RAB27B: variants seen among roughly 807,000 people sequenced by gnomAD.
RAB27B encodes ras-related protein Rab-27B.
In RAB27B, 15 loss-of-function variants were observed where a neutral mutation model predicts 24.6. The observed-to-expected ratio is 0.61, with a 90% CI of 0.41 to 0.94. The LOEUF (loss-of-function observed/expected upper bound fraction) is 0.94. Among genes scored for constraint, RAB27B ranks in the 40% least tolerant of loss-of-function variants. RAB27B has a pLI of 0.00. For missense variants in RAB27B, 261 were observed against 266.8 expected (o/e 0.98, Z 0.15); for synonymous variants, 105 against 92.5 (o/e 1.14, Z -0.78).
chr18:54,892,461 CACTT>C lies in RAB27B; in HGVS notation c.*3053_*3056del, dbSNP rs1309010563. On this transcript the variant is annotated 3_prime_UTR_variant, in exon 6 of 6. Transcript: ENST00000262094. ...TTTAACTGCCTTCTCTTGGTCTCCT[CACTT>C]ACTTCTTATGAAGTTGGCATTACCT... is the stretch of plus-strand genomic sequence containing the variant. 1 of 152,030 alleles carries C rather than the reference CACTT, an allele frequency of 6.6e-6. No homozygotes were observed. Among genetic ancestry groups the C allele is most frequent in the African/African-American group, 2.4e-5 (1 of 41,416 alleles). The allele number at this position is 152,030 out of a possible 1,614,324, so 9.4% of individuals were successfully genotyped here. A position where few individuals can be genotyped will look rare whatever the true frequency, so the allele number is the denominator to read the frequency against.
intron 2 of RAB27B, among the ~76,000 whole-genome samples, chr18:54,804,690 G>T (rs781041252): frequency 2.2e-4 from 34 of 152,132 alleles, no homozygotes; most frequent in Non-Finnish European, 4.3e-4. Context: ...TGTAATACAT[G>T]ATCCAGAACT....
chr18:54,846,051 T>C (rs1338906479), intron 1 of RAB27B, among the ~76,000 whole-genome samples: 1 of 152,220 alleles, frequency 6.6e-6, no homozygotes, highest in Non-Finnish European at 1.5e-5. Context: ...ATTTAATGTT[T>C]TTCACATTTT....
Position 54,834,084 on chromosome 18 carries a change from A to G in RAB27B, c.-20+5384A>G, listed in dbSNP as rs576153926. 2.4e-4 allele frequency among the ~76,000 whole-genome samples: 37 copies of G among 152,362 alleles called. No individual in the cohort carries two copies. The East Asian group carries it at 5.6e-3, about 23-fold the overall frequency. On this transcript the variant is annotated intron_variant, in intron 1 of 5. Coordinates refer to ENST00000262094, the MANE Select transcript of RAB27B (RefSeq NM_004163.4). ...AATACAAGAACACAATTTGTTTAAT[A>G]TTTGATAATGTGTTCTAGATTTTTT...
In RAB27B at chr18:54,886,608, C is replaced by A. The variant is rs570392972; in HGVS notation, c.344-1387C>A. Among the ~76,000 whole-genome samples the A allele has an allele frequency of 7.2e-5, 11 of 152,070 alleles. No homozygotes were observed. The South Asian group carries it at 1.3e-3, about 17-fold the overall frequency. On this transcript the variant is annotated intron_variant, in intron 4 of 5. Transcript: ENST00000262094. Reference sequence around the variant, plus strand: ...TTTATTTCCATTTAATATTGTATTTCATTACCCAAATTTTGGTGGTAGCTT... The same window carrying A: ...TTTATTTCCATTTAATATTGTATTTAATTACCCAAATTTTGGTGGTAGCTT...
At chr18:54,874,293 T>A (rs771292329) in intron 1 of RAB27B, among the ~76,000 whole-genome samples, 1 of 152,188 alleles carries the variant, frequency 6.6e-6, no homozygotes, top group Non-Finnish European at 1.5e-5. Context: ...CTGCAGTCCC[T>A]GAAGACACTG....
intron 1 of RAB27B, among the ~76,000 whole-genome samples, chr18:54,833,745 G>C (rs184513321): frequency 2.6e-5 from 4 of 152,182 alleles, no homozygotes; most frequent in African/African-American, 9.7e-5. Context: ...TGCTAGTCAG[G>C]TGAAGGGGTT....
chr18:54,766,323 G>C (rs1908360871), intron 2 of RAB27B, among the ~76,000 whole-genome samples: 1 of 152,162 alleles, frequency 6.6e-6, no homozygotes, highest in Non-Finnish European at 1.5e-5. Flanking sequence ...CGAAGCTAAA[G>C]AAGTTGTTTT....
Position 54,893,365 on chromosome 18 carries a change from CAA to C in RAB27B, c.*3954_*3955del, listed in dbSNP as rs1423355832. 6.6e-6 allele frequency: 1 copy of C among 151,910 alleles called. No homozygotes were observed. Among genetic ancestry groups the C allele is most frequent in the Non-Finnish European group, 1.5e-5 (1 of 67,894 alleles). The allele number at this position is 151,910 out of a possible 1,614,324, so 9.4% of individuals were successfully genotyped here. On this transcript the variant is annotated 3_prime_UTR_variant, in exon 6 of 6. Transcript: ENST00000262094. ...AGAAGGTCTAAGAGCTGATATTTGC[CAA>C]AGTGATAGAAGAGTTGTTTTTTCCT... is the stretch of plus-strand genomic sequence containing the variant.
chr18:54,780,610 A>G (rs1158563034), intron 2 of RAB27B, among the ~76,000 whole-genome samples: 2 of 152,126 alleles, frequency 1.3e-5, no homozygotes, highest in East Asian at 3.9e-4. Flanking sequence ...TAAGGACACC[A>G]TTCGTATTGG....
At chr18:54,746,622 A>G (rs946014702) in intron 2 of RAB27B, among the ~76,000 whole-genome samples, 2 of 152,208 alleles carry the variant, frequency 1.3e-5, no homozygotes, top group African/African-American at 2.4e-5. Context: ...AGAGGCTGGA[A>G]TAAATCAGCT....
At chr18:54,768,216 A>T (rs1206845008) in intron 2 of RAB27B, among the ~76,000 whole-genome samples, 1 of 152,088 alleles carries the variant, frequency 6.6e-6, no homozygotes, top group Non-Finnish European at 1.5e-5. Flanking sequence ...AAAAGAGGGG[A>T]TTAGAGAATG....
intron 2 of RAB27B, among the ~76,000 whole-genome samples, chr18:54,754,201 G>T (rs1270692231): frequency 6.6e-6 from 1 of 152,126 alleles, no homozygotes; most frequent in Non-Finnish European, 1.5e-5. Context: ...GTTCTCATGA[G>T]ATCTGGTGGT....
rs186438532 is a variant in RAB27B at position 54,763,575 on chromosome 18, G to A, written c.-20+45434G>A. On this transcript the variant is annotated intron_variant, in intron 2 of 4. Coordinates refer to the RAB27B transcript ENST00000586570. ...ATGTGCACTGTGTCCAGGTTTAGTG[G>A]GAGAGAAGCCTGGAAATACAGGCTG... Among the ~76,000 whole-genome samples the A allele has an allele frequency of 3.5e-3, 538 of 152,264 alleles. 3 individuals are homozygous for A. Among genetic ancestry groups the A allele is most frequent in the Middle Eastern group, 3.4e-3 (1 of 294 alleles).
chr18:54,828,829 C>T (rs1910569245), intron 1 of RAB27B, 129 bp downstream of exon 1: 1 of 152,376 alleles, frequency 6.6e-6, no homozygotes, highest in South Asian at 2.1e-4. Flanking sequence ...TGCGTGTGCA[C>T]CTTCGATCGC....
intron 2 of RAB27B, among the ~76,000 whole-genome samples, chr18:54,730,077 A>G (rs1324123919): frequency 6.6e-6 from 1 of 152,186 alleles, no homozygotes; most frequent in Non-Finnish European, 1.5e-5. Context: ...TTCTGGTCAG[A>G]AAATATCTCA....
At chr18:54,772,779 A>T (rs1908591728) in intron 2 of RAB27B, among the ~76,000 whole-genome samples, 1 of 152,146 alleles carries the variant, frequency 6.6e-6, no homozygotes, top group Non-Finnish European at 1.5e-5. Flanking sequence ...TTCATTAGGG[A>T]TATGCTTGGT....
Position 54,894,367 on chromosome 18 carries a change from A to G in RAB27B, c.*4954A>G, listed in dbSNP as rs968397070. ...TAACATCCTTCAGCTGACTTTGTCT[A>G]CAAGGATTATTAGCAAATTCTGTAG... On this transcript the variant is annotated 3_prime_UTR_variant, in exon 6 of 6. Transcript: ENST00000262094. 3 of 152,036 alleles carry G rather than the reference A, an allele frequency of 2.0e-5. No homozygotes were observed. The highest frequency in any genetic ancestry group is 4.4e-5 in the Non-Finnish European group (3 of 67,932). The allele number at this position is 152,036 out of a possible 1,614,324, so 9.4% of individuals were successfully genotyped here. A position where few individuals can be genotyped will look rare whatever the true frequency, so the allele number is the denominator to read the frequency against.
At chr18:54,718,744 G>T (rs1909268124) in intron 2 of RAB27B, among the ~76,000 whole-genome samples, 1 of 152,176 alleles carries the variant, frequency 6.6e-6, no homozygotes, top group Non-Finnish European at 1.5e-5. Flanking sequence ...TTTTGATTAT[G>T]CATGATAAGA....
chr18:54,860,235 T>C (rs1384909157), intron 1 of RAB27B, among the ~76,000 whole-genome samples: 1 of 152,156 alleles, frequency 6.6e-6, no homozygotes, highest in Non-Finnish European at 1.5e-5. Context: ...AAGTACTTTT[T>C]CCTGTAGTTG....
Sources: gnomAD v4.1 joint callset for allele counts (sites outside exome capture counted in the v4.1 genomes callset) on GRCh38, gnomAD v4.1.1 for gene constraint, MANE v1.5 for transcripts, NCBI Gene and HGNC (gene_info 2026-07-23, HGNC 2026-07-21) for gene names.